Variants in PCDHGA3 observed in about 807,000 individuals in gnomAD.
The protein encoded by PCDHGA3 is protocadherin gamma-A3.
In PCDHGA3, 40 loss-of-function variants were observed where a neutral mutation model predicts 58.5. That is an observed-to-expected ratio of 0.68 (90% confidence interval 0.53 to 0.89). The LOEUF is 0.89. Ranked by LOEUF, PCDHGA3 falls within the 40% of genes least tolerant of loss-of-function variation. PCDHGA3 has a pLI of 0.00. For missense variants in PCDHGA3, 1,223 were observed against 1,195.9 expected (o/e 1.02, Z -0.33); for synonymous variants, 530 against 525.7 (o/e 1.01, Z -0.11).
chr5:141,486,659 G>A lies in PCDHGA3; in HGVS notation c.2425-8148G>A, dbSNP rs758578821. The stretch of plus-strand genomic sequence containing the variant: ...TGCGCTTATCTCCTACTCACTCCTG[G>A]AGCCCAGGAATCGAGATGTATCAGC... On this transcript the variant is annotated intron_variant, in intron 1 of 3. Transcript: ENST00000253812. This position sits in a 1 kb window ranked among gnomAD's most constrained non-coding sequence, Gnocchi z 5.0. 5.0e-6 allele frequency: 8 copies of A among 1,613,944 alleles called. No homozygotes were observed. Among genetic ancestry groups the A allele is most frequent in the Middle Eastern group, 1.6e-4 (1 of 6,062 alleles).
At chr5:141,426,678 T>C (rs2096951425) in intron 1 of PCDHGA3, 2 of 431,490 alleles carry the variant, frequency 4.6e-6, no homozygotes, top group Admixed American at 5.1e-5. Flanking sequence ...CCCACCTCAT[T>C]TTCCCCAAAA....
At chr5:141,379,889 C>CTTTTTTATTTTTTTTTTTTTTTTTTTTTT (rs1775946036) in intron 1 of PCDHGA3, among the ~76,000 whole-genome samples, 1 of 50,830 alleles carries the variant, frequency 2.0e-5, no homozygotes, top group Non-Finnish European at 3.9e-5. Context: ...GTGAAAGCCT[C>CTTTTTTATTTTTTTTTTTTTTTTTTTTTT]TTTTTTTTTT....
intron 1 of PCDHGA3, among the ~76,000 whole-genome samples, chr5:141,354,431 C>T (rs1249877001): frequency 6.6e-6 from 1 of 152,232 alleles, no homozygotes; most frequent in Non-Finnish European, 1.5e-5. Flanking sequence ...AAATTCTCTT[C>T]CCAAACCTAT....
rs70988800 is a variant in PCDHGA3 at position 141,379,889 on chromosome 5, C to CTTTTTTTTTTTTTTTTT, written c.2424+33446_2424+33462dup. On this transcript the variant is annotated intron_variant, in intron 1 of 3. Transcript: ENST00000253812. ...CTTATTTTATGGTCTGTGAAAGCCT[C>CTTTTTTTTTTTTTTTTT]TTTTTTTTTTTTTTTTTTTTTTTTT... Among the ~76,000 whole-genome samples the CTTTTTTTTTTTTTTTTT allele has an allele frequency of 3.2e-3, 165 of 50,828 alleles. 28 individuals carry two copies. Among genetic ancestry groups the CTTTTTTTTTTTTTTTTT allele is most frequent in the Non-Finnish European group, 4.5e-3 (116 of 25,882 alleles). The allele number at this position is 50,828 out of a possible 152,430, so 33.3% of individuals were successfully genotyped here. A position where few individuals can be genotyped will look rare whatever the true frequency, so the allele number is the denominator to read the frequency against.
intron 1 of PCDHGA3, chr5:141,385,141 G>T (rs1183220869): frequency 1.9e-6 from 3 of 1,614,202 alleles, no homozygotes; most frequent in Non-Finnish European, 2.5e-6. Context: ...CGGGGTGCAG[G>T]CTTTCCTGCA....
chr5:141,417,632 C>T (rs1395400349), intron 1 of PCDHGA3: 3 of 714,288 alleles, frequency 4.2e-6, no homozygotes, highest in Non-Finnish European at 6.5e-6. Context: ...GCGCTGACGC[C>T]GGGGATCCCT....
At chr5:141,488,705 G>C (rs1024064135) in intron 1 of PCDHGA3, among the ~76,000 whole-genome samples, 8 of 152,200 alleles carry the variant, frequency 5.3e-5, no homozygotes, top group Non-Finnish European at 1.2e-4. Context: ...AGATTTTGCT[G>C]GTTCAAGCAA....
At chr5:141,392,357 C>T (rs980934647) in intron 1 of PCDHGA3, 1 of 152,638 alleles carries the variant, frequency 6.6e-6, no homozygotes, top group Admixed American at 6.5e-5. Flanking sequence ...TAATCCGATG[C>T]TACAATCTGA....
chr5:141,453,116 GT>G (rs2098756689), intron 1 of PCDHGA3, among the ~76,000 whole-genome samples: 1 of 151,698 alleles, frequency 6.6e-6, no homozygotes, highest in Admixed American at 6.6e-5. Context: ...GTTTTGTTTT[GT>G]TTTGTTTTGT....
rs2099413746 is a variant in PCDHGA3, at chr5:141,477,589, G to A, written c.2425-17218G>A. ...ACCCCGACGCCCCGCAGAATGCTCGGCTTTCTTTCTTTCTCTTGGAGCAAG... is the reference window on the plus strand; with the variant it reads ...ACCCCGACGCCCCGCAGAATGCTCGACTTTCTTTCTTTCTCTTGGAGCAAG... On this transcript the variant is annotated intron_variant, in intron 1 of 3. Transcript: ENST00000253812. The surrounding 1 kb of genome is among the most constrained non-coding windows in gnomAD (Gnocchi z 4.9). 1 of 1,614,012 alleles carries A rather than the reference G, an allele frequency of 6.2e-7. No individual in the cohort carries two copies. The highest frequency in any genetic ancestry group is 1.1e-5 in the South Asian group (1 of 91,090).
At chr5:141,509,670 T>G (rs2099877782) in intron 3 of PCDHGA3, among the ~76,000 whole-genome samples, 1 of 152,136 alleles carries the variant, frequency 6.6e-6, no homozygotes, top group African/African-American at 2.4e-5. Flanking sequence ...TGGGCCCCAG[T>G]TTCTTCTTCT....
intron 1 of PCDHGA3, chr5:141,388,238 C>G (rs546808390): frequency 3.7e-6 from 6 of 1,607,696 alleles, no homozygotes; most frequent in Non-Finnish European, 5.1e-6. Context: ...ACTTTTATCA[C>G]GTGAATGTGG....
chr5:141,404,314 A>G (rs772060934), intron 1 of PCDHGA3: 1 of 1,613,922 alleles, frequency 6.2e-7, no homozygotes, highest in East Asian at 2.2e-5. Context: ...CTTTCTCTCA[A>G]GCCTCCTACT....
intron 1 of PCDHGA3, chr5:141,375,951 C>G (rs767101939): frequency 1.2e-6 from 2 of 1,613,526 alleles, no homozygotes; most frequent in Admixed American, 3.3e-5. Context: ...GGCCTGCACA[C>G]GGGCGAGGTG....
At chr5:141,457,677 T>C (rs1386991642) in intron 1 of PCDHGA3, among the ~76,000 whole-genome samples, 1 of 152,262 alleles carries the variant, frequency 6.6e-6, no homozygotes, top group Non-Finnish European at 1.5e-5. Flanking sequence ...TATTTCTACA[T>C]AGGACTTTTG....
Position 141,344,610 on chromosome 5 carries a change from G to C in PCDHGA3, c.577G>C (p.Glu193Gln), listed in dbSNP as rs1245927345. ...NSVSEGAKYP[E>Q]LVLERALDRE... ...CGTCTCTGAGGGGGCCAAGTATCCA[G>C]AGCTGGTGCTGGAGCGGGCCCTGGA... The change falls in exon 1 of 4, where the codon GAG (glutamate) becomes CAG (glutamine). Residue 193 changes from glutamate to glutamine, a missense_variant. Transcript: ENST00000253812. The C allele has an allele frequency of 5.6e-6, 9 of 1,613,992 alleles. No homozygotes were observed. The Admixed American group carries it at 1.5e-4, about 27-fold the overall frequency.
At chr5:141,425,381 A>C (rs1374877185) in intron 1 of PCDHGA3, among the ~76,000 whole-genome samples, 3 of 152,194 alleles carry the variant, frequency 2.0e-5, no homozygotes, top group African/African-American at 7.2e-5. Flanking sequence ...GTTGATTCGG[A>C]GGTAGTGATA....
At position 141,421,262 on chromosome 5, in the gene PCDHGA3, G is replaced by GGCT. The variant is rs748368476; in HGVS notation, c.2425-73531_2425-73529dup. 2.6e-5 allele frequency: 42 copies of GGCT among 1,609,594 alleles called. No homozygotes were observed. The Admixed American group carries it at 3.2e-4, about 12-fold the overall frequency. On this transcript the variant is annotated intron_variant, in intron 1 of 3. Coordinates refer to ENST00000253812, the MANE Select transcript of PCDHGA3 (RefSeq NM_018916.4). ...CGGCTACAGCGCGGGGACCGCAGTC[G>GGCT]GCTGCTGCTGCTGCTGTGCATTTTC...
intron 1 of PCDHGA3, among the ~76,000 whole-genome samples, chr5:141,435,227 G>T (rs1461159947): frequency 1.3e-5 from 2 of 152,030 alleles, no homozygotes; most frequent in African/African-American, 4.8e-5. Context: ...TTCTTTCAAA[G>T]TTCAGTAATT....
Sources: gnomAD v4.1 joint callset for allele counts (sites outside exome capture counted in the v4.1 genomes callset) on GRCh38, gnomAD v4.1.1 for gene constraint, Gnocchi (gnomAD v3.1) non-coding constraint, MANE v1.5 for transcripts, NCBI Gene and HGNC (gene_info 2026-07-23, HGNC 2026-07-21) for gene names.